Variants in PIP observed in about 807,000 individuals in gnomAD.
PIP encodes the protein prolactin-inducible protein.
Under a neutral mutation model 12.8 loss-of-function variants are expected in PIP, and 9 were observed. The observed-to-expected ratio is 0.70, with a 90% CI of 0.42 to 1.23. The LOEUF (loss-of-function observed/expected upper bound fraction) is 1.23. Among genes scored for constraint, PIP ranks in the 50% most tolerant of loss-of-function variants. The pLI, the probability that PIP is intolerant of heterozygous loss-of-function variation, is 0.00. For missense variants in PIP, 172 were observed against 179.5 expected, an observed-to-expected ratio of 0.96 and a Z score of 0.24; for synonymous variants, 60 against 66.1, an observed-to-expected ratio of 0.91 and a Z score of 0.45.
intron 2 of PIP, among the ~76,000 whole-genome samples, chr7:143,137,940 T>A (rs1409603662): frequency 6.6e-6 from 1 of 151,432 alleles, no homozygotes; most frequent in Non-Finnish European, 1.5e-5. Context: ...ACAGGTAGTC[T>A]TCTCCAAAGA....
rs1563015902 is a variant in PIP, at chr7:143,134,232, AT to A, written c.96-961del. ...TATATATATATATATATATATATAT[AT>A]ACCACAGTTTCTTTATCCACTCGTT... On this transcript the variant is annotated intron_variant, in intron 1 of 3. Coordinates refer to ENST00000291009, the MANE Select transcript of PIP (RefSeq NM_002652.3). 1.4e-3 allele frequency among the ~76,000 whole-genome samples: 115 copies of A among 80,602 alleles called. 2 individuals are homozygous for A. Among genetic ancestry groups the A allele is most frequent in the African/African-American group, 4.1e-3 (85 of 20,748 alleles). The allele number at this position is 80,602 out of a possible 152,430, so 52.9% of individuals were successfully genotyped here. A position where few individuals can be genotyped will look rare whatever the true frequency, so the allele number is the denominator to read the frequency against.
intron 2 of PIP, among the ~76,000 whole-genome samples, chr7:143,137,723 A>C (rs940870031): frequency 1.3e-5 from 2 of 151,932 alleles, no homozygotes; most frequent in African/African-American, 2.4e-5. Flanking sequence ...AACATGGTGA[A>C]ACCCTGTCTC....
At chr7:143,135,168 T>C in intron 1 of PIP, 26 bp from the exon 2 acceptor site, 1 of 1,255,300 alleles carries the variant, frequency 8.0e-7, no homozygotes, top group Non-Finnish European at 1.2e-6. Flanking sequence ...GATCCTGGTG[T>C]TCTGATTCTC....
At position 143,135,201 on chromosome 7, in the gene PIP, A is replaced by T; in HGVS notation, c.103A>T (p.Ile35Phe). The change falls in exon 2 of 4, where the codon ATC becomes TTC. Residue 35 changes from isoleucine (I) to phenylalanine (F), a missense_variant. Transcript: ENST00000291009. ...ANKAQDNTRK[I>F]IIKNFDIPKS... Reference sequence around the variant, plus strand: ...CTCTCTTCCCACAATCAGTCGGAAGATCATAATAAAGAATTTTGACATTCC... The same window carrying T: ...CTCTCTTCCCACAATCAGTCGGAAGTTCATAATAAAGAATTTTGACATTCC... 6.5e-7 allele frequency: 1 copy of T among 1,549,406 alleles called. No individual in the cohort carries two copies. The highest frequency in any genetic ancestry group is 8.9e-7 in the Non-Finnish European group (1 of 1,121,384).
intron 1 of PIP, among the ~76,000 whole-genome samples, chr7:143,134,166 GAGTAGTAGTATTCCATCATATAT>G (rs1229545267): frequency 3.2e-5 from 4 of 124,670 alleles, no homozygotes; most frequent in African/African-American, 9.0e-5. Context: ...TATTATGGCT[GAGTAGTAGTATTCCATCATATAT>G]ATATATATAT....
chr7:143,134,261 T>C (rs546122851), intron 1 of PIP, among the ~76,000 whole-genome samples: 2 of 138,364 alleles, frequency 1.4e-5, no homozygotes, highest in East Asian at 4.5e-4. Context: ...CACTCGTTGA[T>C]TGATGGGCAT....
At chr7:143,138,309 A>T (rs1178004075) in intron 2 of PIP, among the ~76,000 whole-genome samples, 1 of 152,042 alleles carries the variant, frequency 6.6e-6, no homozygotes, top group East Asian at 1.9e-4. Flanking sequence ...AGTAATAAAG[A>T]TGCATATTTT....
intron 3 of PIP, 133 bp downstream of exon 3, chr7:143,139,322 G>A: frequency 1.2e-6 from 1 of 816,032 alleles, no homozygotes; most frequent in South Asian, 1.5e-5. Context: ...AGGGAGGGAA[G>A]AGCATGGGGA....
intron 1 of PIP, among the ~76,000 whole-genome samples, chr7:143,134,857 A>G (rs912712328): frequency 2.0e-5 from 3 of 152,000 alleles, no homozygotes; most frequent in African/African-American, 7.2e-5. Context: ...TACTATAAAC[A>G]TGCATGTGCA....
At chr7:143,134,183 CATATATATATAT>C (rs60656573) in intron 1 of PIP, among the ~76,000 whole-genome samples, 1,507 of 41,596 alleles carry the variant, frequency 0.036, 30 homozygotes, top group Middle Eastern at 0.059. Flanking sequence ...AGTATTCCAT[CATATATATATAT>C]ATATATATAT....
chr7:143,135,196 G>T lies in PIP; in HGVS notation c.98G>T (p.Arg33Leu), dbSNP rs747002680. 6.5e-7 allele frequency: 1 copy of T among 1,532,020 alleles called. No individual in the cohort carries two copies. The highest frequency in any genetic ancestry group is 1.1e-5 in the South Asian group (1 of 89,112). The allele number at this position is 1,532,020 out of a possible 1,614,324, so 94.9% of individuals were successfully genotyped here. Residue 33 changes from arginine (R) to leucine (L), a missense_variant and splice_region_variant, in exon 2 of 4, where the codon CGG becomes CTG. Arg to Leu is a moderately radical substitution (Grantham distance 102, BLOSUM62 -2). Coordinates refer to ENST00000291009, the MANE Select transcript of PIP (RefSeq NM_002652.3). ...TGATTCTCTCTTCCCACAATCAGTC[G>T]GAAGATCATAATAAAGAATTTTGAC... ...LGANKAQDNTRKIIIKNFDIP... is the reference protein window; with the variant it reads ...LGANKAQDNTLKIIIKNFDIP...
Position 143,134,233 on chromosome 7 carries a change from T to TATATATATAA in PIP, c.96-960_96-959insTATATATAAA, listed in dbSNP as rs1277832613. Reference sequence around the variant, plus strand: ...ATATATATATATATATATATATATATACCACAGTTTCTTTATCCACTCGTT... The same window carrying TATATATATAA: ...ATATATATATATATATATATATATATATATATATAAACCACAGTTTCTTTATCCACTCGTT... On this transcript the variant is annotated intron_variant, in intron 1 of 3. Transcript: ENST00000291009. Among the ~76,000 whole-genome samples, 13 of 86,384 alleles carry TATATATATAA rather than the reference T, an allele frequency of 1.5e-4. 1 individual carries two copies. Among genetic ancestry groups the TATATATATAA allele is most frequent in the African/African-American group, 5.6e-4 (12 of 21,546 alleles). The allele number at this position is 86,384 out of a possible 152,430, so 56.7% of individuals were successfully genotyped here. A position where few individuals can be genotyped will look rare whatever the true frequency, so the allele number is the denominator to read the frequency against.
At chr7:143,136,684 T>C (rs1799313722) in intron 2 of PIP, among the ~76,000 whole-genome samples, 1 of 152,074 alleles carries the variant, frequency 6.6e-6, no homozygotes, top group African/African-American at 2.4e-5. Context: ...TAGTTAATGG[T>C]AGTGGTAGGT....
At chr7:143,137,390 A>G (rs917565884) in intron 2 of PIP, among the ~76,000 whole-genome samples, 1 of 152,140 alleles carries the variant, frequency 6.6e-6, no homozygotes, top group African/African-American at 2.4e-5. Context: ...CTGGGAAAGC[A>G]ATACATTTAA....
At chr7:143,138,737 G>A (rs1206883619) in intron 2 of PIP, among the ~76,000 whole-genome samples, 1 of 152,244 alleles carries the variant, frequency 6.6e-6, no homozygotes, top group Admixed American at 6.5e-5. Context: ...ATTGCAGGTC[G>A]ATTCCTGAAA....
At chr7:143,136,207 C>T (rs1200119275) in intron 2 of PIP, among the ~76,000 whole-genome samples, 1 of 152,014 alleles carries the variant, frequency 6.6e-6, no homozygotes, top group East Asian at 1.9e-4. Flanking sequence ...AGCATGCAAA[C>T]TGCCCCCACT....
At chr7:143,135,989 T>C (rs796979141) in intron 2 of PIP, among the ~76,000 whole-genome samples, 31 of 152,214 alleles carry the variant, frequency 2.0e-4, no homozygotes, top group African/African-American at 7.0e-4. Context: ...GATTAGAACT[T>C]CTGGATTTTA....
rs1799340036 is a variant in PIP, at chr7:143,139,125, T to C, written c.252T>C (p.Tyr84=). 6.2e-7 allele frequency: 1 copy of C among 1,605,612 alleles called. No homozygotes were observed. The highest frequency in any genetic ancestry group is 8.5e-7 in the Non-Finnish European group (1 of 1,172,164). The change falls in exon 3 of 4, where the codon TAT becomes TAC. Residue 84 remains tyrosine, a synonymous_variant. Transcript: ENST00000291009. ...TCCCTCTACAAGGTGCATTTAACTA[T>C]AAGTATACTGCCTGCCTATGTGACG... ...SSIPLQGAFN[Y]KYTACLCDDN...
chr7:143,138,994 C>A, intron 2 of PIP, 81 bp from the exon 3 acceptor site: 1 of 784,948 alleles, frequency 1.3e-6, no homozygotes, highest in Non-Finnish European at 2.3e-6. Context: ...TCTCCTCCGG[C>A]TTTTCCCTCT....
Sources: gnomAD v4.1 joint callset for allele counts (sites outside exome capture counted in the v4.1 genomes callset) on GRCh38, gnomAD v4.1.1 for gene constraint, MANE v1.5 for transcripts, NCBI Gene and HGNC (gene_info 2026-07-23, HGNC 2026-07-21) for gene names.